DST: variants seen among roughly 807,000 people sequenced by gnomAD.
The protein encoded by DST is bullous pemphigoid antigen.
A neutral mutation model predicts 875.2 loss-of-function variants in DST; 253 were observed. That is an observed-to-expected ratio of 0.29 (90% CI 0.26 to 0.32). The LOEUF (loss-of-function observed/expected upper bound fraction) is 0.32. DST is among the 10% of genes least tolerant of loss of function. DST has a pLI of 1.00. For synonymous variants in DST, 3,124 were observed against 3,197.1 expected (o/e 0.98, Z 0.77); for missense variants, 8,287 against 9,111.6 (o/e 0.91, Z 3.68).
At chr6:56,671,470 C>T (rs2099101223) in intron 9 of DST, among the ~76,000 whole-genome samples, 1 of 152,196 alleles carries the variant, frequency 6.6e-6, no homozygotes, top group African/African-American at 2.4e-5. Flanking sequence ...TTGGCTTGCT[C>T]AACCTGAAAC....
rs140365617 is a variant in DST, at chr6:56,824,208, G to A, written c.625+27189C>T. Among the ~76,000 whole-genome samples the A allele has an allele frequency of 3.6e-3, 546 of 152,312 alleles. 4 individuals carry two copies. Among genetic ancestry groups the A allele is most frequent in the African/African-American group, 0.013 (524 of 41,580 alleles). On this transcript the variant is annotated intron_variant, in intron 4 of 103. Transcript: ENST00000680361. ...ATTTTTTTGGTGGAGACAGGGTTTC[G>A]CTTTGTTGGCCGGGCTGGTCTCCAG...
At chr6:56,770,488 C>T (rs1020495149) in intron 4 of DST, among the ~76,000 whole-genome samples, 2 of 152,090 alleles carry the variant, frequency 1.3e-5, no homozygotes, top group African/African-American at 2.4e-5. Context: ...TACAATAAAA[C>T]GCAGAGTGTG....
rs780012252 is a variant in DST, at chr6:56,463,735, C to T, written c.22789G>A (p.Glu7597Lys). The stretch of plus-strand genomic sequence containing the variant: ...GCACCATCTGCTAAAATGAACTTCT[C>T]ACGCAGTTCCATGTTTGTCCTTCCT... ...AKGRTNMELR[E>K]KFILADGASQ... is the part of the protein sequence containing the mutation. Residue 7597 changes from glutamate to lysine, a missense_variant, in exon 101 of 104, where the codon GAG becomes AAG. Around this residue, in one of 10 missense-constraint regions of DST, gnomAD observed 64 missense variants for 86.2 expected, o/e 0.74. Transcript: ENST00000680361. 6.2e-7 allele frequency: 1 copy of T among 1,614,010 alleles called. No individual in the cohort carries two copies. Among genetic ancestry groups the T allele is most frequent in the Non-Finnish European group, 8.5e-7 (1 of 1,179,894 alleles).
At chr6:56,567,428 G>GAAAAA (rs2097697635) in intron 55 of DST, among the ~76,000 whole-genome samples, 1 of 74,382 alleles carries the variant, frequency 1.3e-5, no homozygotes, top group African/African-American at 5.3e-5. Flanking sequence ...GTTACCAAGA[G>GAAAAA]TAAAAAAAAA....
chr6:56,620,901 A>G (rs1287245457), intron 36 of DST, among the ~76,000 whole-genome samples: 2 of 149,648 alleles, frequency 1.3e-5, no homozygotes, highest in Admixed American at 1.3e-4. Flanking sequence ...GAAGAGGACA[A>G]AAAACCCTTC....
chr6:56,657,034 C>A (rs1159928108), intron 10 of DST, among the ~76,000 whole-genome samples: 1 of 152,126 alleles, frequency 6.6e-6, no homozygotes, highest in Non-Finnish European at 1.5e-5. Context: ...TGCATTTTAA[C>A]AAGTTTCTCC....
intron 28 of DST, among the ~76,000 whole-genome samples, 183 bp from the exon 29 acceptor site, chr6:56,632,223 G>C (rs1444020907): frequency 2.0e-5 from 3 of 151,942 alleles, no homozygotes; most frequent in Non-Finnish European, 4.4e-5. Context: ...AATTTAAGAA[G>C]AATTAATAAA....
chr6:56,704,867 C>A (rs540116412), intron 5 of DST, among the ~76,000 whole-genome samples: 1 of 152,252 alleles, frequency 6.6e-6, no homozygotes, highest in Admixed American at 6.5e-5. Context: ...ATCTTATGAG[C>A]CTATAATTAT....
chr6:56,556,521 C>T (rs879742198), intron 59 of DST, among the ~76,000 whole-genome samples: 4 of 152,062 alleles, frequency 2.6e-5, no homozygotes, highest in African/African-American at 9.6e-5. Flanking sequence ...ATTATTTCTC[C>T]CCAGATATTT....
intron 36 of DST, chr6:56,617,997 T>A (rs780866940): frequency 6.2e-7 from 1 of 1,613,828 alleles, no homozygotes; most frequent in South Asian, 1.1e-5. Context: ...TCTAAGGGTG[T>A]CAAAACCTTC....
intron 9 of DST, among the ~76,000 whole-genome samples, chr6:56,675,697 A>C (rs892367605): frequency 2.0e-5 from 3 of 152,018 alleles, no homozygotes; most frequent in Non-Finnish European, 2.9e-5. Context: ...ACTAAAATAC[A>C]AAACATTAGC....
At chr6:56,695,447 T>C (rs1025155429) in intron 9 of DST, among the ~76,000 whole-genome samples, 3 of 152,206 alleles carry the variant, frequency 2.0e-5, no homozygotes, top group South Asian at 2.1e-4. Flanking sequence ...CTAGGCCATA[T>C]ACACTGCTAC....
At chr6:56,721,974 G>T (rs544197431) in intron 5 of DST, among the ~76,000 whole-genome samples, 1 of 152,334 alleles carries the variant, frequency 6.6e-6, no homozygotes, top group African/African-American at 2.4e-5. Flanking sequence ...AAATGAATGG[G>T]TGTGGCTGGG....
At chr6:56,614,167 A>G (rs527332748) in intron 37 of DST, among the ~76,000 whole-genome samples, 189 bp downstream of exon 37, 1 of 152,344 alleles carries the variant, frequency 6.6e-6, no homozygotes, top group South Asian at 2.1e-4. Context: ...GGAATTAAAC[A>G]GCTTCTTCTG....
chr6:56,696,454 G>A (rs2152867797), intron 9 of DST, among the ~76,000 whole-genome samples: 1 of 152,172 alleles, frequency 6.6e-6, no homozygotes, highest in South Asian at 2.1e-4. Context: ...GAGCCACCGT[G>A]CACGGCCCGC....
chr6:56,513,293 C>T (rs1199244202), intron 72 of DST, among the ~76,000 whole-genome samples: 4 of 151,208 alleles, frequency 2.6e-5, no homozygotes, highest in African/African-American at 7.3e-5. Context: ...TGCCGTGGCA[C>T]GATCTTGGCT....
intron 2 of DST, among the ~76,000 whole-genome samples, chr6:56,921,440 G>A (rs1340664761): frequency 6.6e-6 from 1 of 152,120 alleles, no homozygotes; most frequent in Admixed American, 6.5e-5. Flanking sequence ...ATAATCTATG[G>A]ATGAACTTGA....
At chr6:56,493,872 C>T in intron 83 of DST, 138 bp downstream of exon 83, 3 of 614,738 alleles carry the variant, frequency 4.9e-6, no homozygotes, top group Non-Finnish European at 7.4e-6. Flanking sequence ...CCCATGAAAT[C>T]TCCAAATATA....
At chr6:56,888,100 G>T (rs113977157) in intron 3 of DST, among the ~76,000 whole-genome samples, 2,318 of 151,874 alleles carry the variant, frequency 0.015, 64 homozygotes, top group African/African-American at 0.053. Flanking sequence ...ACAGGCACGT[G>T]CCACCATGCC....
Sources: allele counts gnomAD v4.1 joint callset (sites outside exome capture counted in the v4.1 genomes callset), GRCh38; gene constraint gnomAD v4.1.1; regional missense constraint gnomAD v4.1.1; transcripts MANE v1.5; gene names NCBI Gene and HGNC (gene_info 2026-07-23, HGNC 2026-07-21).